GPC5: variants seen among roughly 807,000 people sequenced by gnomAD.
The protein encoded by GPC5 is glypican 5.
In GPC5, 47 loss-of-function variants were observed where a neutral mutation model predicts 53.9. That is an observed-to-expected ratio of 0.87 (90% CI 0.69 to 1.11). The LOEUF (loss-of-function observed/expected upper bound fraction) is 1.11, where lower values mean the gene tolerates loss of function less well. Ranked by LOEUF, GPC5 falls within the 50% of genes most tolerant of loss-of-function variation. The pLI, the probability that GPC5 is intolerant of heterozygous loss-of-function variation, is 0.00. For missense variants in GPC5, 748 were observed against 713.1 expected (o/e 1.05, Z -0.56); for synonymous variants, 286 against 263.3 (o/e 1.09, Z -0.84).
chr13:92,649,061 A>G (rs1007621398), intron 7 of GPC5, among the ~76,000 whole-genome samples: 4 of 152,144 alleles, frequency 2.6e-5, no homozygotes, highest in African/African-American at 9.6e-5. Flanking sequence ...TGTTGTTGAT[A>G]TATTATAACA....
At chr13:92,317,739 T>C (rs564225504) in intron 7 of GPC5, among the ~76,000 whole-genome samples, 3 of 152,216 alleles carry the variant, frequency 2.0e-5, no homozygotes, top group South Asian at 4.1e-4. Context: ...TGACCTCAAA[T>C]GATCCACCGC....
intron 2 of GPC5, among the ~76,000 whole-genome samples, chr13:91,623,021 C>T (rs1157368481): frequency 6.6e-6 from 1 of 151,886 alleles, no homozygotes; most frequent in Non-Finnish European, 1.5e-5. Flanking sequence ...GATCAGAGGC[C>T]TCAAGATAGG....
chr13:92,046,073 C>T (rs144364122), intron 6 of GPC5, among the ~76,000 whole-genome samples: 78 of 151,766 alleles, frequency 5.1e-4, no homozygotes, highest in Non-Finnish European at 7.4e-4. Flanking sequence ...ATCGCACCAC[C>T]GCACTCCACA....
chr13:92,607,857 C>A, intron 7 of GPC5, among the ~76,000 whole-genome samples: 1 of 152,150 alleles, frequency 6.6e-6, no homozygotes, highest in South Asian at 2.1e-4. Context: ...TCTGCAGGCG[C>A]TTTACACGCA....
chr13:92,174,492 A>G (rs1593961306), intron 7 of GPC5, among the ~76,000 whole-genome samples: 1 of 151,726 alleles, frequency 6.6e-6, no homozygotes, highest in East Asian at 1.9e-4. Flanking sequence ...CAGAGATCGC[A>G]CCACTGCATT....
chr13:91,623,841 T>A (rs2139380315), intron 2 of GPC5, among the ~76,000 whole-genome samples: 1 of 152,208 alleles, frequency 6.6e-6, no homozygotes, highest in South Asian at 2.1e-4. Context: ...CAAGACTGCA[T>A]GGGACGTAAG....
At chr13:92,517,792 T>C (rs2769298) in intron 7 of GPC5, among the ~76,000 whole-genome samples, 99,368 of 152,112 alleles carry the variant, frequency 0.65, 32,782 homozygotes, top group East Asian at 0.75. Flanking sequence ...TCCAAAGGAA[T>C]GCAGCTACTC....
chr13:91,716,422 T>C (rs1460742893), intron 3 of GPC5, among the ~76,000 whole-genome samples: 1 of 152,214 alleles, frequency 6.6e-6, no homozygotes, highest in African/African-American at 2.4e-5. Context: ...AAACAATTGA[T>C]ACTGTGAATA....
chr13:91,710,898 C>A (rs1316080990), intron 3 of GPC5, among the ~76,000 whole-genome samples: 1 of 152,188 alleles, frequency 6.6e-6, no homozygotes, highest in Non-Finnish European at 1.5e-5. Flanking sequence ...GGAAAGCCTA[C>A]ACACAATAGT....
chr13:91,927,312 A>G lies in GPC5; in HGVS notation c.1401+19255A>G, dbSNP rs536302075. On this transcript the variant is annotated intron_variant, in intron 6 of 7. Coordinates refer to ENST00000377067, the MANE Select transcript of GPC5 (RefSeq NM_004466.6). ...CGTGCTATAATTAAATCATCTAAAC[A>G]ATCATTTTTTGCGGTCTTAATATCC... 1.5e-3 allele frequency among the ~76,000 whole-genome samples: 228 copies of G among 152,280 alleles called. 1 individual carries two copies. The Middle Eastern group carries it at 0.054, about 36-fold the overall frequency.
chr13:92,423,263 C>T (rs1435103348), intron 7 of GPC5, among the ~76,000 whole-genome samples: 1 of 152,190 alleles, frequency 6.6e-6, no homozygotes. Flanking sequence ...GGGGCATAAA[C>T]ATTCAGTCCA....
chr13:92,316,906 C>G (rs761235890), intron 7 of GPC5, among the ~76,000 whole-genome samples: 9 of 152,054 alleles, frequency 5.9e-5, no homozygotes, highest in Non-Finnish European at 1.3e-4. Context: ...ATAAATTGTT[C>G]ATACTTCTGA....
intron 4 of GPC5, among the ~76,000 whole-genome samples, chr13:91,754,163 A>C (rs1054118592): frequency 1.3e-5 from 2 of 152,164 alleles, no homozygotes; most frequent in Non-Finnish European, 2.9e-5. Flanking sequence ...TTCAAATTGA[A>C]GTGAGAAGAT....
intron 2 of GPC5, among the ~76,000 whole-genome samples, chr13:91,556,196 TA>T (rs34297315): frequency 0.073 from 11,115 of 151,436 alleles, 516 homozygotes; most frequent in South Asian, 0.28. Flanking sequence ...AGAGTGGCTT[TA>T]AAAAAAAACT....
intron 7 of GPC5, among the ~76,000 whole-genome samples, chr13:92,815,254 A>G (rs950385279): frequency 6.6e-5 from 10 of 152,018 alleles, no homozygotes; most frequent in African/African-American, 2.4e-4. Flanking sequence ...TATTTTAGGG[A>G]GAGAGATCAA....
Position 92,065,204 on chromosome 13 carries a change from T to C in GPC5, c.1402-79626T>C, listed in dbSNP as rs186746907. ...TTAACCAAATAGTTATGAGTCTATCTATCAAGTGTTCAAATTATTTTACAT... is the reference window on the plus strand; with the variant it reads ...TTAACCAAATAGTTATGAGTCTATCCATCAAGTGTTCAAATTATTTTACAT... On this transcript the variant is annotated intron_variant, in intron 6 of 7. Coordinates refer to ENST00000377067, the MANE Select transcript of GPC5 (RefSeq NM_004466.6). Among the ~76,000 whole-genome samples, 178 of 152,294 alleles carry C rather than the reference T, an allele frequency of 1.2e-3. 1 individual carries two copies. The highest frequency in any genetic ancestry group is 2.1e-3 in the Non-Finnish European group (143 of 68,010).
intron 6 of GPC5, among the ~76,000 whole-genome samples, chr13:91,961,741 G>T (rs548821477): frequency 6.6e-6 from 1 of 152,130 alleles, no homozygotes; most frequent in Admixed American, 6.5e-5. Context: ...ATGCATCGTA[G>T]GTGGATCTCA....
At chr13:91,631,412 C>A (rs2034155175) in intron 2 of GPC5, among the ~76,000 whole-genome samples, 1 of 152,078 alleles carries the variant, frequency 6.6e-6, no homozygotes. Flanking sequence ...GAAGCCAGAG[C>A]ATGTGGCCTA....
intron 1 of GPC5, among the ~76,000 whole-genome samples, chr13:91,426,672 A>G (rs1159895308): frequency 6.6e-6 from 1 of 152,154 alleles, no homozygotes; most frequent in Non-Finnish European, 1.5e-5. Flanking sequence ...CCATCATGGG[A>G]GAAAGATGGA....
Sources: allele counts gnomAD v4.1 joint callset (sites outside exome capture counted in the v4.1 genomes callset), GRCh38; gene constraint gnomAD v4.1.1; transcripts MANE v1.5; gene names NCBI Gene and HGNC (gene_info 2026-07-23, HGNC 2026-07-21).